Variants in CDH15 observed in about 807,000 individuals in gnomAD.
The protein encoded by CDH15 is cadherin 15.
Under a neutral mutation model 69.4 loss-of-function variants are expected in CDH15, and 73 were observed. The observed-to-expected ratio is 1.05, with a 90% CI of 0.87 to 1.28. CDH15 has a LOEUF of 1.28. CDH15 is among the 50% of genes most tolerant of loss of function. The pLI, the probability that CDH15 is intolerant of heterozygous loss-of-function variation, is 0.00. For missense variants in CDH15, 1,343 were observed against 1,133.6 expected (o/e 1.18, Z -2.65); for synonymous variants, 624 against 507.7 (o/e 1.23, Z -3.08).
intron 11 of CDH15, among the ~76,000 whole-genome samples, chr16:89,193,092 C>T (rs1165971258): frequency 2.4e-5 from 2 of 84,996 alleles, no homozygotes; most frequent in Admixed American, 1.2e-4. Flanking sequence ...CATTACCAGC[C>T]ACGCCCCTTC....
In CDH15 at chr16:89,195,145, G is replaced by A. The variant is rs758154809; in HGVS notation, c.2435G>A (p.Arg812Gln). 17 of 1,592,034 alleles carry A rather than the reference G, an allele frequency of 1.1e-5. No individual in the cohort carries two copies. Among genetic ancestry groups the A allele is most frequent in the East Asian group, 6.7e-5 (3 of 44,676 alleles). The part of the protein sequence containing the change: ...PGALLPRHRG[R>Q]TA ...GCACTGCTACCCAGACACAGAGGCCGGACAGCCTGACCCTGGGGCGCAACT... is the reference window on the plus strand; with the variant it reads ...GCACTGCTACCCAGACACAGAGGCCAGACAGCCTGACCCTGGGGCGCAACT... The change falls in exon 14 of 14, where the codon CGG (arginine) becomes CAG (glutamine). Residue 812 changes from arginine (R) to glutamine (Q), a missense_variant. Physicochemically the swap from Arg to Gln is conservative, Grantham distance 43. Transcript: ENST00000289746.
At chr16:89,181,597 G>A (rs997038038) in intron 3 of CDH15, among the ~76,000 whole-genome samples, 6 of 151,800 alleles carry the variant, frequency 4.0e-5, no homozygotes, top group South Asian at 2.1e-4. Context: ...TGATTGCGCC[G>A]CTGCGCTCCA....
intron 9 of CDH15, 25 bp downstream of exon 9, chr16:89,191,497 C>A (rs373286056): frequency 4.0e-5 from 65 of 1,610,158 alleles, no homozygotes; most frequent in Non-Finnish European, 5.3e-5. Flanking sequence ...CGGCTTGGGG[C>A]TCCCTGACCT....
At chr16:89,181,317 A>C (rs576742036) in intron 3 of CDH15, among the ~76,000 whole-genome samples, 2 of 152,306 alleles carry the variant, frequency 1.3e-5, no homozygotes, top group African/African-American at 2.4e-5. Flanking sequence ...TGGGATTCTC[A>C]GAGAAGGGGC....
At chr16:89,193,961 C>T (rs1439030116) in intron 13 of CDH15, 48 bp downstream of exon 13, 3 of 1,591,094 alleles carry the variant, frequency 1.9e-6, no homozygotes, top group Non-Finnish European at 2.6e-6. Flanking sequence ...CGCACAGGTG[C>T]ACACACACAT....
At chr16:89,189,680 A>C (rs1321342536) in intron 7 of CDH15, among the ~76,000 whole-genome samples, 1 of 152,236 alleles carries the variant, frequency 6.6e-6, no homozygotes, top group Non-Finnish European at 1.5e-5. Context: ...TCCTGGTTCT[A>C]CCAGAGAAAG....
At chr16:89,183,817 C>T (rs1029622208) in intron 4 of CDH15, 125 bp downstream of exon 4, 5 of 1,021,548 alleles carry the variant, frequency 4.9e-6, no homozygotes, top group African/African-American at 4.8e-5. Flanking sequence ...AACAAGTCTC[C>T]GAGGCAGGTC....
At position 89,191,758 on chromosome 16, in the gene CDH15, C is replaced by T. The variant is rs757834833; in HGVS notation, c.1479C>T (p.Ser493=). The part of the protein sequence containing the change: ...LAPPPPGSLC[S]EPHQGPGLLL... ...CGCCGCCGCCGGGCAGCCTGTGCAG[C>T]GAGCCACACCAAGGCCCAGGCCTCC... is the stretch of plus-strand genomic sequence containing the variant. Residue 493 remains serine, a synonymous_variant, in exon 10 of 14, where the codon AGC becomes AGT. Coordinates refer to ENST00000289746, the MANE Select transcript of CDH15 (RefSeq NM_004933.3). 4 of 1,601,594 alleles carry T rather than the reference C, an allele frequency of 2.5e-6. No homozygotes were observed. Among genetic ancestry groups the T allele is most frequent in the African/African-American group, 1.3e-5 (1 of 74,786 alleles).
Position 89,195,310 on chromosome 16 carries a change from G to A in CDH15, c.*155G>A, listed in dbSNP as rs867721526. The A allele has an allele frequency of 1.3e-6, 1 of 770,184 alleles. No individual in the cohort carries two copies. Among genetic ancestry groups the A allele is most frequent in the African/African-American group, 1.8e-5 (1 of 57,140 alleles). The allele number at this position is 770,184 out of a possible 1,614,324, so 47.7% of individuals were successfully genotyped here. A position where few individuals can be genotyped will look rare whatever the true frequency, so the allele number is the denominator to read the frequency against. On this transcript the variant is annotated 3_prime_UTR_variant, in exon 14 of 14. Coordinates refer to ENST00000289746, the MANE Select transcript of CDH15 (RefSeq NM_004933.3). Reference sequence around the variant, plus strand: ...AAGTCTGGGGGCAGAACCTGAGTGTGGATGGGGCGGCCAGGAAGAGGCCCC... The same window carrying A: ...AAGTCTGGGGGCAGAACCTGAGTGTAGATGGGGCGGCCAGGAAGAGGCCCC...
intron 5 of CDH15, chr16:89,186,280 C>G (rs1191416156): frequency 2.6e-5 from 3 of 113,266 alleles, no homozygotes; most frequent in Non-Finnish European, 3.7e-5. Context: ...TAAACGCTCA[C>G]CCAGCGCACA....
Position 89,179,574 on chromosome 16 carries a change from G to A in CDH15, c.201G>A (p.Gln67=). The change falls in exon 2 of 14, where the codon CAG becomes CAA. Residue 67 remains glutamine (Q), a splice_region_variant and synonymous_variant. Coordinates refer to ENST00000289746, the MANE Select transcript of CDH15 (RefSeq NM_004933.3). The part of the protein sequence containing the change: ...NHKRLPYPLV[Q]IKSDKQQLGS... ...AGCGTCTCCCCTACCCCCTGGTTCA[G>A]GTGAGCAGGTGGAGGGGGCAGGAGG... The A allele has an allele frequency of 6.3e-7, 1 of 1,582,144 alleles. No homozygotes were observed. Among genetic ancestry groups the A allele is most frequent in the Non-Finnish European group, 8.6e-7 (1 of 1,161,816 alleles).
Position 89,183,787 on chromosome 16 carries a change from TCA to T in CDH15, c.502+96_502+97del. On this transcript the variant is annotated intron_variant, in intron 4 of 13. Coordinates refer to ENST00000289746, the MANE Select transcript of CDH15 (RefSeq NM_004933.3). ...CTTAAGCAAGAATTCCAGAGGCCCC[TCA>T]GAGTCTAAAAATAAGTAAACAAGTC... 5.3e-6 allele frequency: 7 copies of T among 1,320,204 alleles called. No homozygotes were observed. In the South Asian group the frequency reaches 9.5e-5, roughly 18 times the overall value. 81.8% of individuals were successfully genotyped at this position (1,320,204 alleles called of 1,614,324 possible). A position where few individuals can be genotyped will look rare whatever the true frequency, so the allele number is the denominator to read the frequency against.
At chr16:89,176,470 C>T (rs1262095684) in intron 1 of CDH15, among the ~76,000 whole-genome samples, 4 of 152,196 alleles carry the variant, frequency 2.6e-5, no homozygotes, top group African/African-American at 4.8e-5. Flanking sequence ...GAGCGGGTGC[C>T]CCCTTCCAGC....
intron 1 of CDH15, among the ~76,000 whole-genome samples, chr16:89,177,352 G>A (rs566648233): frequency 6.6e-6 from 1 of 152,184 alleles, no homozygotes; most frequent in Non-Finnish European, 1.5e-5. Context: ...GGGGAACACA[G>A]CTCCTCACTT....
At chr16:89,176,144 C>T (rs1915250865) in intron 1 of CDH15, among the ~76,000 whole-genome samples, 1 of 152,240 alleles carries the variant, frequency 6.6e-6, no homozygotes, top group Non-Finnish European at 1.5e-5. Flanking sequence ...CTGGCCATGC[C>T]AACATCTCCT....
At position 89,191,688 on chromosome 16, in the gene CDH15, C is replaced by A. The variant is rs773007637; in HGVS notation, c.1409C>A (p.Ser470Tyr). The change falls in exon 10 of 14, where the codon TCC becomes TAC. Residue 470 changes from serine to tyrosine, a missense_variant. Transcript: ENST00000289746. Reference protein sequence around the residue: ...SQPRTATGTLSIEILEVNDHA... With the variant: ...SQPRTATGTLYIEILEVNDHA... ...CCCCGCACCGCCACCGGCACCCTGT[C>A]CATCGAGATCCTGGAGGTGAACGAC... The A allele has an allele frequency of 3.1e-6, 5 of 1,600,568 alleles. No homozygotes were observed. Among genetic ancestry groups the A allele is most frequent in the Admixed American group, 1.7e-5 (1 of 59,282 alleles).
At chr16:89,188,055 TC>T in intron 6 of CDH15, 44 bp from the exon 7 acceptor site, 3 of 1,543,072 alleles carry the variant, frequency 1.9e-6, no homozygotes, top group Non-Finnish European at 1.8e-6. Context: ...ACCCATGCTG[TC>T]CCCCCAGCCC....
At chr16:89,191,634 C>A (rs762952418) in intron 9 of CDH15, 21 bp from the exon 10 acceptor site, 2 of 1,571,210 alleles carry the variant, frequency 1.3e-6, no homozygotes, top group South Asian at 1.1e-5. Context: ...GGTCACTAAG[C>A]CGCGGCCTCC....
intron 11 of CDH15, 86 bp from the exon 12 acceptor site, chr16:89,193,384 G>GC (rs1915703564): frequency 4.5e-6 from 1 of 221,872 alleles, no homozygotes; most frequent in Admixed American, 8.5e-5. Flanking sequence ...GCCCCGCCCC[G>GC]CCCCCTCCTC....
Sources: gnomAD v4.1 joint callset for allele counts (sites outside exome capture counted in the v4.1 genomes callset) on GRCh38, gnomAD v4.1.1 for gene constraint, MANE v1.5 for transcripts, NCBI Gene and HGNC (gene_info 2026-07-23, HGNC 2026-07-21) for gene names.